The following PPARGC1A variants were observed in gnomAD, a reference collection of about 807,000 sequenced individuals.
PPARGC1A encodes the protein PPARG coactivator 1 alpha.
In PPARGC1A, 25 loss-of-function variants were observed where a neutral mutation model predicts 88.7. The ratio of observed to expected loss-of-function variants is 0.28; its 90% CI spans 0.21 to 0.39. The LOEUF (loss-of-function observed/expected upper bound fraction) is 0.39. PPARGC1A is among the 10% of genes least tolerant of loss of function. The pLI is 1.00. For missense variants in PPARGC1A, 880 were observed against 968.7 expected, an observed-to-expected ratio of 0.91 and a Z score of 1.22; for synonymous variants, 363 against 355.6, an observed-to-expected ratio of 1.02 and a Z score of -0.24.
the PPARGC1A span, among the ~76,000 whole-genome samples, chr4:24,147,791 C>G: frequency 6.6e-6 from 1 of 151,978 alleles, no homozygotes; most frequent in Admixed American, 6.6e-5. Flanking sequence ...TACTAAAATA[C>G]AAAAAAGTAG....
At chr4:23,890,602 C>CTTTTTTTTTTTTTTTTT (rs56855205), upstream of PPARGC1A, among the ~76,000 whole-genome samples, 2 of 103,266 alleles carry the variant, frequency 1.9e-5, no homozygotes, top group South Asian at 3.7e-4. Flanking sequence ...GCAAACGGGG[C>CTTTTTTTTTTTTTTTTT]TTTTTTTTTT....
chr4:23,819,105 A>G (rs2970851), intron 7 of PPARGC1A, among the ~76,000 whole-genome samples: 43,684 of 151,878 alleles, frequency 0.29, 6,715 homozygotes, highest in Admixed American at 0.35. Flanking sequence ...AGTGGGTGTC[A>G]AGAGTGCAGA....
the PPARGC1A span, among the ~76,000 whole-genome samples, chr4:24,293,749 C>G: frequency 6.6e-6 from 1 of 151,202 alleles, no homozygotes; most frequent in Admixed American, 6.6e-5. Context: ...TCTTATTCCC[C>G]AGGCACCATC....
chr4:23,939,303 T>G, the PPARGC1A span, among the ~76,000 whole-genome samples: 36 of 152,276 alleles, frequency 2.4e-4, no homozygotes, highest in Non-Finnish European at 3.4e-4. Flanking sequence ...AAAATATGTT[T>G]GTTTGTTTTG....
At chr4:23,949,403 G>A in the PPARGC1A span, among the ~76,000 whole-genome samples, 2 of 152,168 alleles carry the variant, frequency 1.3e-5, no homozygotes, top group African/African-American at 2.4e-5. Context: ...TACAGGTAGC[G>A]GCTGGCTATA....
At chr4:24,248,310 A>G in the PPARGC1A span, among the ~76,000 whole-genome samples, 1 of 151,998 alleles carries the variant, frequency 6.6e-6, no homozygotes, top group Non-Finnish European at 1.5e-5. Context: ...CATTTTTAGT[A>G]GAGACGGAGT....
At chr4:24,240,962 T>C in the PPARGC1A span, among the ~76,000 whole-genome samples, 1 of 152,116 alleles carries the variant, frequency 6.6e-6, no homozygotes, top group African/African-American at 2.4e-5. Flanking sequence ...AGATACAAAA[T>C]ATTTGAGGAT....
the PPARGC1A span, among the ~76,000 whole-genome samples, chr4:24,026,142 C>T: frequency 6.6e-6 from 1 of 152,164 alleles, no homozygotes; most frequent in South Asian, 2.1e-4. Flanking sequence ...CCTGGATCGG[C>T]ACTACTTCTG....
chr4:24,350,655 A>G, the PPARGC1A span, among the ~76,000 whole-genome samples: 22 of 152,344 alleles, frequency 1.4e-4, no homozygotes, highest in African/African-American at 5.3e-4. Flanking sequence ...TGTGCAATTT[A>G]CCAGTCACAC....
chr4:23,810,569 T>G (rs1256973988), intron 10 of PPARGC1A, among the ~76,000 whole-genome samples: 1 of 152,200 alleles, frequency 6.6e-6, no homozygotes, highest in African/African-American at 2.4e-5. Flanking sequence ...TTTATTAATA[T>G]CTGGCACTTA....
the PPARGC1A span, among the ~76,000 whole-genome samples, chr4:24,012,363 C>G: frequency 6.6e-6 from 1 of 152,058 alleles, no homozygotes; most frequent in Non-Finnish European, 1.5e-5. Context: ...TAATGGTGGA[C>G]CTGAACATAT....
the PPARGC1A span, among the ~76,000 whole-genome samples, chr4:24,254,032 C>G: frequency 6.6e-6 from 1 of 152,142 alleles, no homozygotes; most frequent in South Asian, 2.1e-4. Flanking sequence ...TCATCGTCAT[C>G]ATGTATTCAA....
the PPARGC1A span, among the ~76,000 whole-genome samples, chr4:24,045,402 C>G: frequency 6.6e-6 from 1 of 152,016 alleles, no homozygotes; most frequent in African/African-American, 2.4e-5. Context: ...TACAAAGTAC[C>G]GTAAACTGAG....
the PPARGC1A span, among the ~76,000 whole-genome samples, chr4:24,050,194 CTTTTGTTTTT>C: frequency 7.8e-6 from 1 of 127,808 alleles, no homozygotes; most frequent in East Asian, 2.3e-4. Context: ...CTTAGGTGAC[CTTTTGTTTTT>C]TTTTTTTTTG....
At chr4:23,855,465 G>T (rs1159968234) in intron 2 of PPARGC1A, among the ~76,000 whole-genome samples, 1 of 152,156 alleles carries the variant, frequency 6.6e-6, no homozygotes, top group African/African-American at 2.4e-5. Context: ...CTAACTGAAC[G>T]CTCTCTTGGG....
chr4:24,369,056 G>A, the PPARGC1A span, among the ~76,000 whole-genome samples: 1 of 152,156 alleles, frequency 6.6e-6, no homozygotes, highest in Admixed American at 6.5e-5. Context: ...GAAGGGGACT[G>A]AAGCCTGGCC....
chr4:24,306,064 G>A, the PPARGC1A span, among the ~76,000 whole-genome samples: 13 of 152,090 alleles, frequency 8.5e-5, no homozygotes, highest in African/African-American at 1.4e-4. Context: ...TATGAGTTAC[G>A]AGAACACAAT....
At chr4:24,215,073 T>A in the PPARGC1A span, among the ~76,000 whole-genome samples, 1 of 152,282 alleles carries the variant, frequency 6.6e-6, no homozygotes, top group South Asian at 2.1e-4. Context: ...CACCTTCCTT[T>A]AGCAGCTAAT....
At chr4:24,230,672 C>T in the PPARGC1A span, among the ~76,000 whole-genome samples, 11 of 152,170 alleles carry the variant, frequency 7.2e-5, no homozygotes, top group African/African-American at 2.4e-4. Flanking sequence ...CATCTCTGAG[C>T]AGTGCGAAGA....
Sources: gnomAD v4.1 joint callset for allele counts (sites outside exome capture counted in the v4.1 genomes callset) on GRCh38, gnomAD v4.1.1 for gene constraint, MANE v1.5 for transcripts, NCBI Gene and HGNC (gene_info 2026-07-23, HGNC 2026-07-21) for gene names.